The following LPA variants were observed in gnomAD, a reference collection of about 807,000 sequenced individuals.
LPA encodes the protein lipoprotein(a).
In LPA, 199 loss-of-function variants were observed where a neutral mutation model predicts 197.9. The ratio of observed to expected loss-of-function variants is 1.01; its 90% CI spans 0.90 to 1.13. The LOEUF (loss-of-function observed/expected upper bound fraction) is 1.13, where lower values mean the gene tolerates loss of function less well. Among genes scored for constraint, LPA ranks in the 50% most tolerant of loss-of-function variants. LPA has a pLI of 0.00. For missense variants in LPA, 1,853 were observed against 1,785.8 expected (o/e 1.04, Z -0.68); for synonymous variants, 715 against 639.5 (o/e 1.12, Z -1.78).
At chr6:160,602,047 T>A (rs1779251426) in intron 18 of LPA, among the ~76,000 whole-genome samples, 1 of 152,180 alleles carries the variant, frequency 6.6e-6, no homozygotes, top group Non-Finnish European at 1.5e-5. Context: ...CTCCCATTCG[T>A]GACCTGTGGC....
At chr6:160,601,249 C>CT in intron 18 of LPA, 151 bp from the exon 19 acceptor site, 1 of 692,894 alleles carries the variant, frequency 1.4e-6, no homozygotes, top group Non-Finnish European at 2.6e-6. Flanking sequence ...GGCTCTCAAT[C>CT]TCTAATCCTC....
At chr6:160,565,566 G>A (rs1410666196) in intron 28 of LPA, among the ~76,000 whole-genome samples, 1 of 152,162 alleles carries the variant, frequency 6.6e-6, no homozygotes, top group Non-Finnish European at 1.5e-5. Context: ...CCACAAAGAT[G>A]GGGAGAAACC....
rs1224434000 is a variant in LPA at position 160,605,123 on chromosome 6, G to A, written c.2868C>T (p.Val956=). Residue 956 remains valine, a synonymous_variant, in exon 18 of 39, where the codon GTC becomes GTT. Coordinates refer to ENST00000316300, the MANE Select transcript of LPA (RefSeq NM_005577.4). ...ACCAAGCTTGGCAGGTTCTTCCTGTGACAGTAATGAAGTATGTGCCTTGAT... is the reference window on the plus strand; with the variant it reads ...ACCAAGCTTGGCAGGTTCTTCCTGTAACAGTAATGAAGTATGTGCCTTGAT... ...QSYQGTYFIT[V]TGRTCQAWSS... 1 of 1,613,872 alleles carries A rather than the reference G, an allele frequency of 6.2e-7. No individual in the cohort carries two copies. Among genetic ancestry groups the A allele is most frequent in the Non-Finnish European group, 8.5e-7 (1 of 1,179,874 alleles).
At chr6:160,656,262 T>G (rs1322758744) in intron 1 of LPA, among the ~76,000 whole-genome samples, 3 of 152,132 alleles carry the variant, frequency 2.0e-5, no homozygotes, top group Non-Finnish European at 4.4e-5. Context: ...TGGGATATTG[T>G]TTTTGATTTT....
At chr6:160,559,677 C>A (rs1440202013) in intron 28 of LPA, among the ~76,000 whole-genome samples, 1 of 152,290 alleles carries the variant, frequency 6.6e-6, no homozygotes, top group East Asian at 1.9e-4. Context: ...ATCAGTGACA[C>A]CACTTATTAT....
chr6:160,596,796 G>A (rs1330276367), intron 20 of LPA, among the ~76,000 whole-genome samples: 1 of 152,132 alleles, frequency 6.6e-6, no homozygotes, highest in Non-Finnish European at 1.5e-5. Flanking sequence ...ATTATTACAT[G>A]CTTCTGTTTT....
intron 28 of LPA, among the ~76,000 whole-genome samples, chr6:160,560,840 C>G (rs909768316): frequency 1.3e-5 from 2 of 152,100 alleles, no homozygotes; most frequent in Non-Finnish European, 2.9e-5. Flanking sequence ...CTGTTTTAGT[C>G]ATGAAGTCTT....
chr6:160,609,678 C>G (rs1779443214), intron 16 of LPA, among the ~76,000 whole-genome samples: 1 of 152,060 alleles, frequency 6.6e-6, no homozygotes, highest in Non-Finnish European at 1.5e-5. Context: ...TTGCTTCCCA[C>G]ATGCAGGAAA....
At chr6:160,532,475 G>T in intron 38 of LPA, 56 bp downstream of exon 38, 1 of 1,385,018 alleles carries the variant, frequency 7.2e-7, no homozygotes. Flanking sequence ...TGACGTCTAA[G>T]GGACTGAGAC....
chr6:160,587,781 G>T (rs1433696541), intron 24 of LPA, among the ~76,000 whole-genome samples: 37 of 121,288 alleles, frequency 3.1e-4, no homozygotes, highest in East Asian at 1.4e-3. Context: ...GTGTGTGTGT[G>T]TGTGTGTGTG....
At chr6:160,589,463 G>T (rs2115042528) in intron 24 of LPA, 90 bp downstream of exon 24, 2 of 1,455,176 alleles carry the variant, frequency 1.4e-6, no homozygotes, top group Non-Finnish European at 1.9e-6. Flanking sequence ...GAGAGAAATT[G>T]GGTCATAAGA....
intron 28 of LPA, among the ~76,000 whole-genome samples, chr6:160,571,358 G>A (rs1017586629): frequency 6.6e-6 from 1 of 152,130 alleles, no homozygotes; most frequent in South Asian, 2.1e-4. Flanking sequence ...CTGAAACCAG[G>A]ACCCACTTGA....
chr6:160,576,603 A>C (rs1358837620), intron 28 of LPA, among the ~76,000 whole-genome samples: 1 of 145,560 alleles, frequency 6.9e-6, no homozygotes, highest in Non-Finnish European at 1.5e-5. Flanking sequence ...ATTTATGCAA[A>C]AATTTAAATA....
intron 23 of LPA, among the ~76,000 whole-genome samples, chr6:160,590,377 T>G (rs41272072): frequency 0.013 from 1,993 of 152,184 alleles, 45 homozygotes; most frequent in African/African-American, 0.046. Context: ...CACTAAGAAA[T>G]CCCTTCCATC....
chr6:160,536,708 G>A (rs1777900586), intron 37 of LPA, among the ~76,000 whole-genome samples: 1 of 152,090 alleles, frequency 6.6e-6, no homozygotes, highest in Non-Finnish European at 1.5e-5. Context: ...ACACCCATAG[G>A]TGCCCCTCAT....
At chr6:160,600,488 C>T (rs1779216935) in intron 19 of LPA, among the ~76,000 whole-genome samples, 1 of 152,140 alleles carries the variant, frequency 6.6e-6, no homozygotes, top group Non-Finnish European at 1.5e-5. Context: ...AGTTAGGTTT[C>T]TCAAGGATAA....
intron 1 of LPA, among the ~76,000 whole-genome samples, chr6:160,654,116 T>C (rs1328840699): frequency 1.1e-5 from 1 of 91,952 alleles, no homozygotes; most frequent in Non-Finnish European, 2.0e-5. Context: ...ATATTATATG[T>C]ATATAAAGGG....
At position 160,531,651 on chromosome 6, in the gene LPA, A is replaced by G. The variant is rs563316875; in HGVS notation, c.*78T>C. 1.6e-4 allele frequency: 259 copies of G among 1,575,224 alleles called. 2 individuals carry two copies. Among genetic ancestry groups the G allele is most frequent in the South Asian group, 1.2e-3 (106 of 89,956 alleles). On this transcript the variant is annotated 3_prime_UTR_variant, in exon 39 of 39. Transcript: ENST00000316300. ...CAGTGTCTTCGTTTGATTGCTGTCT[A>G]TTATTTCCAGCATGCTAAATCCTTA...
At chr6:160,599,723 T>C (rs1779202419) in intron 19 of LPA, 64 bp from the exon 20 acceptor site, 4 of 1,585,684 alleles carry the variant, frequency 2.5e-6, no homozygotes, top group Non-Finnish European at 3.5e-6. Flanking sequence ...CAGGAAGCCA[T>C]TTATGACATA....
Sources: allele counts gnomAD v4.1 joint callset (sites outside exome capture counted in the v4.1 genomes callset), GRCh38; gene constraint gnomAD v4.1.1; transcripts MANE v1.5; gene names NCBI Gene and HGNC (gene_info 2026-07-23, HGNC 2026-07-21).